NOS1AP: variants seen among roughly 807,000 people sequenced by gnomAD.
The protein encoded by NOS1AP is carboxyl-terminal PDZ ligand of neuronal nitric oxide synthase protein.
Under a neutral mutation model 56.2 loss-of-function variants are expected in NOS1AP, and 21 were observed. That is an observed-to-expected ratio of 0.37 (90% confidence interval 0.26 to 0.54). The LOEUF (loss-of-function observed/expected upper bound fraction) is 0.54. Ranked by LOEUF, NOS1AP falls within the 20% of genes least tolerant of loss-of-function variation. The pLI, the probability that NOS1AP is intolerant of heterozygous loss-of-function variation, is 0.84. For synonymous variants in NOS1AP, 270 were observed against 274.6 expected (o/e 0.98, Z 0.17); for missense variants, 522 against 657.8 (o/e 0.79, Z 2.26).
At chr1:162,270,832 G>T (rs1654561016) in intron 2 of NOS1AP, among the ~76,000 whole-genome samples, 1 of 152,234 alleles carries the variant, frequency 6.6e-6, no homozygotes, top group Admixed American at 6.5e-5. Context: ...GCTTCTGTGG[G>T]TGAAGCAGGA....
At chr1:162,145,496 G>A (rs1026462285) in intron 1 of NOS1AP, among the ~76,000 whole-genome samples, 3 of 152,126 alleles carry the variant, frequency 2.0e-5, no homozygotes, top group South Asian at 2.1e-4. Flanking sequence ...TGTGTGCCCC[G>A]GAATCTGGGG....
At chr1:162,210,278 G>A (rs1047039565) in intron 2 of NOS1AP, among the ~76,000 whole-genome samples, 15 of 152,094 alleles carry the variant, frequency 9.9e-5, no homozygotes, top group African/African-American at 3.6e-4. Flanking sequence ...GTGGGGCCCA[G>A]CTCGACCTTC....
intron 2 of NOS1AP, among the ~76,000 whole-genome samples, chr1:162,177,110 T>C (rs1021303045): frequency 6.6e-6 from 1 of 152,196 alleles, no homozygotes; most frequent in Admixed American, 6.5e-5. Context: ...TTTTCTTCTC[T>C]GCCTGTAAGT....
intron 4 of NOS1AP, among the ~76,000 whole-genome samples, chr1:162,316,381 T>C (rs1174870502): frequency 6.6e-6 from 1 of 152,262 alleles, no homozygotes; most frequent in Non-Finnish European, 1.5e-5. Flanking sequence ...GTTGTGGGTT[T>C]AACCACTAAG....
At chr1:162,304,730 C>T (rs534922570) in intron 4 of NOS1AP, among the ~76,000 whole-genome samples, 25 of 149,008 alleles carry the variant, frequency 1.7e-4, no homozygotes, top group Non-Finnish European at 2.1e-4. Flanking sequence ...TACTTTTTTT[C>T]ATGTATTAAA....
Position 162,277,301 on chromosome 1 carries a change from G to A in NOS1AP, c.178-10043G>A, listed in dbSNP as rs539395912. On this transcript the variant is annotated intron_variant, in intron 2 of 9. Coordinates refer to ENST00000361897, the MANE Select transcript of NOS1AP (RefSeq NM_014697.3). Reference sequence around the variant, plus strand: ...TCTGTTAGAGGCTGAATGATTGCTCGACAGAGACAACACTGTGACTTCGAG... The same window carrying A: ...TCTGTTAGAGGCTGAATGATTGCTCAACAGAGACAACACTGTGACTTCGAG... 1.1e-4 allele frequency among the ~76,000 whole-genome samples: 17 copies of A among 152,274 alleles called. No homozygotes were observed. The South Asian group carries it at 2.7e-3, about 24-fold the overall frequency.
chr1:162,240,244 A>AGTGTGTGTGTGTGTGTGTGT (rs5778260), intron 2 of NOS1AP, among the ~76,000 whole-genome samples: 50 of 141,300 alleles, frequency 3.5e-4, no homozygotes, highest in African/African-American at 1.2e-3. Context: ...CTGTGTGGCC[A>AGTGTGTGTGTGTGTGTGTGT]GTGTGTGTGT....
intron 2 of NOS1AP, among the ~76,000 whole-genome samples, chr1:162,245,735 C>T (rs994853384): frequency 2.0e-5 from 3 of 152,186 alleles, no homozygotes; most frequent in African/African-American, 4.8e-5. Flanking sequence ...AGGATCAGAA[C>T]GAGAACATCT....
At chr1:162,158,022 TA>T (rs1187790704) in intron 2 of NOS1AP, among the ~76,000 whole-genome samples, 1 of 152,226 alleles carries the variant, frequency 6.6e-6, no homozygotes, top group Non-Finnish European at 1.5e-5. Context: ...GGTAAATGTG[TA>T]ACATTAAATT....
intron 2 of NOS1AP, among the ~76,000 whole-genome samples, chr1:162,245,969 G>C (rs540908505): frequency 2.0e-5 from 3 of 152,158 alleles, no homozygotes; most frequent in Non-Finnish European, 4.4e-5. Context: ...TAATACCAAC[G>C]TTAACACATT....
At chr1:162,108,363 T>C (rs1051691824) in intron 1 of NOS1AP, among the ~76,000 whole-genome samples, 1 of 152,074 alleles carries the variant, frequency 6.6e-6, no homozygotes, top group Admixed American at 6.5e-5. Flanking sequence ...GATTGAAACA[T>C]ATCACACAGG....
chr1:162,180,400 A>G (rs867548617), intron 2 of NOS1AP, among the ~76,000 whole-genome samples: 6 of 151,766 alleles, frequency 4.0e-5, no homozygotes, highest in Non-Finnish European at 7.4e-5. Flanking sequence ...GCCCGCCACC[A>G]CGGCCAGCTA....
At chr1:162,214,269 GTTCATTCATTCATTCA>G (rs57608978) in intron 2 of NOS1AP, among the ~76,000 whole-genome samples, 2 of 150,660 alleles carry the variant, frequency 1.3e-5, no homozygotes, top group Non-Finnish European at 3.0e-5. Context: ...TCGTTCGTTC[GTTCATTCATTCATTCA>G]TTCATTCATT....
intron 3 of NOS1AP, among the ~76,000 whole-genome samples, chr1:162,287,901 C>T (rs1655143805): frequency 6.6e-6 from 1 of 152,168 alleles, no homozygotes; most frequent in Non-Finnish European, 1.5e-5. Flanking sequence ...TCCTTGCATC[C>T]TCCTGTTGCA....
At chr1:162,158,030 A>T (rs1650041899) in intron 2 of NOS1AP, among the ~76,000 whole-genome samples, 1 of 152,108 alleles carries the variant, frequency 6.6e-6, no homozygotes, top group Non-Finnish European at 1.5e-5. Flanking sequence ...TGTAACATTA[A>T]ATTTAACTAT....
chr1:162,298,943 C>T (rs745430876), intron 3 of NOS1AP, among the ~76,000 whole-genome samples: 2 of 152,124 alleles, frequency 1.3e-5, no homozygotes, highest in South Asian at 2.1e-4. Flanking sequence ...TTGCTAACTG[C>T]GTTAAATTAA....
chr1:162,228,872 C>G (rs1248524825), intron 2 of NOS1AP, among the ~76,000 whole-genome samples: 1 of 152,142 alleles, frequency 6.6e-6, no homozygotes, highest in African/African-American at 2.4e-5. Context: ...AAAAAAAATA[C>G]ACAGGAGAAT....
intron 2 of NOS1AP, among the ~76,000 whole-genome samples, chr1:162,226,943 G>A (rs1571143615): frequency 6.6e-6 from 1 of 151,680 alleles, no homozygotes; most frequent in East Asian, 1.9e-4. Context: ...ATCCCCAGAG[G>A]GCCAGTTTGT....
At chr1:162,108,382 C>T (rs1647590947) in intron 1 of NOS1AP, among the ~76,000 whole-genome samples, 1 of 151,968 alleles carries the variant, frequency 6.6e-6, no homozygotes, top group Non-Finnish European at 1.5e-5. Context: ...GGTTTAAATA[C>T]ATGAGTTTGT....
Sources: allele counts gnomAD v4.1 joint callset (sites outside exome capture counted in the v4.1 genomes callset), GRCh38; gene constraint gnomAD v4.1.1; transcripts MANE v1.5; gene names NCBI Gene and HGNC (gene_info 2026-07-23, HGNC 2026-07-21).